The following AGBL1 variants were observed in gnomAD, a reference collection of about 807,000 sequenced individuals.
AGBL1 encodes cytosolic carboxypeptidase 4.
Under a neutral mutation model 118.9 loss-of-function variants are expected in AGBL1, and 130 were observed. The ratio of observed to expected loss-of-function variants is 1.09; its 90% CI spans 0.95 to 1.26. The LOEUF (loss-of-function observed/expected upper bound fraction) is 1.26. AGBL1 is among the 50% of genes most tolerant of loss of function. The probability of loss-of-function intolerance (pLI) is 0.00; values close to 1 mark genes in which losing one functional copy is unlikely to be tolerated. For synonymous variants in AGBL1, 555 were observed against 478.9 expected, an observed-to-expected ratio of 1.16 and a Z score of -2.08; for missense variants, 1,584 against 1,298.1, an observed-to-expected ratio of 1.22 and a Z score of -3.38.
intron 22 of AGBL1, among the ~76,000 whole-genome samples, chr15:86,842,741 T>C (rs1462293723): frequency 6.6e-6 from 1 of 152,188 alleles, no homozygotes; most frequent in East Asian, 1.9e-4. Context: ...CTTTCAATTC[T>C]CCAAATGCTC....
chr15:86,826,231 G>A (rs964913584), intron 22 of AGBL1, among the ~76,000 whole-genome samples: 4 of 152,102 alleles, frequency 2.6e-5, no homozygotes, highest in South Asian at 4.1e-4. Flanking sequence ...CTTTGCCTAT[G>A]TAGGAAATGG....
chr15:86,391,517 A>G (rs1204126907), intron 17 of AGBL1, among the ~76,000 whole-genome samples: 1 of 151,416 alleles, frequency 6.6e-6, no homozygotes, highest in African/African-American at 2.4e-5. Context: ...TGTTAGCTGC[A>G]TGATTCCACC....
chr15:86,860,192 G>A (rs903237551), intron 22 of AGBL1, among the ~76,000 whole-genome samples: 1 of 152,074 alleles, frequency 6.6e-6, no homozygotes, highest in Non-Finnish European at 1.5e-5. Flanking sequence ...TATCTGTCAA[G>A]GGAGGGCAAT....
intron 18 of AGBL1, among the ~76,000 whole-genome samples, chr15:86,496,678 G>A (rs2082859302): frequency 6.6e-6 from 1 of 151,396 alleles, no homozygotes; most frequent in Admixed American, 6.6e-5. Flanking sequence ...TGCCAGTTTG[G>A]AAGCTACTAA....
At chr15:86,274,432 GC>G (rs750346225) in intron 15 of AGBL1, among the ~76,000 whole-genome samples, 3 of 152,060 alleles carry the variant, frequency 2.0e-5, no homozygotes, top group Non-Finnish European at 4.4e-5. Context: ...TCAATAGATG[GC>G]TTCTAAGAAG....
chr15:86,960,527 T>G (rs1397028535), intron 23 of AGBL1, among the ~76,000 whole-genome samples: 1 of 151,950 alleles, frequency 6.6e-6, no homozygotes, highest in East Asian at 1.9e-4. Flanking sequence ...CCTTATATAT[T>G]CGGTAAGGAT....
chr15:86,401,444 G>A (rs938521545), intron 18 of AGBL1, among the ~76,000 whole-genome samples: 8 of 152,118 alleles, frequency 5.3e-5, no homozygotes, highest in African/African-American at 1.7e-4. Flanking sequence ...CTGTGCAGGA[G>A]CTTTTTAGTT....
intron 22 of AGBL1, among the ~76,000 whole-genome samples, chr15:86,875,612 T>C (rs560548867): frequency 1.3e-5 from 2 of 152,288 alleles, no homozygotes; most frequent in East Asian, 3.9e-4. Flanking sequence ...GACACATAGA[T>C]TGTTTTCCAT....
intron 23 of AGBL1, among the ~76,000 whole-genome samples, chr15:86,947,276 G>C (rs2080836486): frequency 6.6e-6 from 1 of 152,308 alleles, no homozygotes; most frequent in African/African-American, 2.4e-5. Flanking sequence ...AGAATTGAGG[G>C]ACAGTTACTC....
At chr15:86,450,759 C>T (rs2142069025) in intron 18 of AGBL1, among the ~76,000 whole-genome samples, 1 of 152,302 alleles carries the variant, frequency 6.6e-6, no homozygotes, top group South Asian at 2.1e-4. Flanking sequence ...ACACCCATAT[C>T]ACATGTTTGT....
chr15:86,391,149 A>G (rs1003779749), intron 17 of AGBL1, among the ~76,000 whole-genome samples: 3 of 152,164 alleles, frequency 2.0e-5, no homozygotes, highest in Admixed American at 1.3e-4. Context: ...TGATTTTACA[A>G]CACTGTATAC....
At chr15:86,694,978 C>T (rs1325515596) in intron 22 of AGBL1, among the ~76,000 whole-genome samples, 2 of 151,966 alleles carry the variant, frequency 1.3e-5, no homozygotes, top group East Asian at 3.9e-4. Flanking sequence ...TTTTAATATG[C>T]TGTTGGATTC....
At position 86,403,036 on chromosome 15, in the gene AGBL1, G is replaced by C. The variant is rs547420198; in HGVS notation, c.2555+5490G>C. On this transcript the variant is annotated intron_variant, in intron 18 of 22. Transcript: ENST00000614907. ...CCAAGGTGGGGTAAAAATAGAATGG[G>C]CAGTCAACAGATTTTCTTAGAGCAG... 6.0e-4 allele frequency among the ~76,000 whole-genome samples: 91 copies of C among 152,238 alleles called. 3 individuals are homozygous for C. In the South Asian group the frequency reaches 0.019, roughly 32 times the overall value.
intron 20 of AGBL1, 131 bp from the exon 21 acceptor site, chr15:86,554,230 G>T: frequency 2.5e-6 from 2 of 790,914 alleles, no homozygotes; most frequent in Non-Finnish European, 3.8e-6. Context: ...CCATTTCTTA[G>T]GGTTAATAAA....
intron 5 of AGBL1, among the ~76,000 whole-genome samples, chr15:86,182,529 G>C (rs555752761): frequency 6.6e-6 from 1 of 152,082 alleles, no homozygotes; most frequent in South Asian, 2.1e-4. Flanking sequence ...ATGGCCCCTA[G>C]AATATTCTCG....
intron 18 of AGBL1, among the ~76,000 whole-genome samples, chr15:86,435,753 C>T (rs977533290): frequency 2.0e-5 from 3 of 152,106 alleles, no homozygotes; most frequent in African/African-American, 4.8e-5. Flanking sequence ...CTCTGCGGCT[C>T]GGATTCCTTC....
At chr15:86,521,515 C>G (rs1361431057) in intron 18 of AGBL1, among the ~76,000 whole-genome samples, 1 of 152,106 alleles carries the variant, frequency 6.6e-6, no homozygotes, top group Non-Finnish European at 1.5e-5. Context: ...TATAAGGACT[C>G]TGATCAAGGG....
chr15:86,528,722 A>C (rs1288140921), intron 19 of AGBL1, among the ~76,000 whole-genome samples: 9 of 92,302 alleles, frequency 9.8e-5, no homozygotes, highest in South Asian at 9.2e-4. Context: ...GACAGCTTTG[A>C]AGAGAGCAGT....
chr15:86,680,635 T>G (rs894711305), intron 22 of AGBL1, among the ~76,000 whole-genome samples: 2 of 149,188 alleles, frequency 1.3e-5, no homozygotes, highest in Admixed American at 6.7e-5. Context: ...GGGGCAATCT[T>G]GGCTCACTAC....
Sources: gnomAD v4.1 joint callset for allele counts (sites outside exome capture counted in the v4.1 genomes callset) on GRCh38, gnomAD v4.1.1 for gene constraint, MANE v1.5 for transcripts, NCBI Gene and HGNC (gene_info 2026-07-23, HGNC 2026-07-21) for gene names.